The following PPM1H variants were observed in gnomAD, a reference collection of about 807,000 sequenced individuals.
The protein encoded by PPM1H is protein phosphatase 1H.
Under a neutral mutation model 54.9 loss-of-function variants are expected in PPM1H, and 27 were observed. That is an observed-to-expected ratio of 0.49 (90% CI 0.36 to 0.68). PPM1H has a LOEUF of 0.68. PPM1H is among the 30% of genes least tolerant of loss of function. The pLI, the probability that PPM1H is intolerant of heterozygous loss-of-function variation, is 0.00. For missense variants in PPM1H, 596 were observed against 667.8 expected, an observed-to-expected ratio of 0.89 and a Z score of 1.19; for synonymous variants, 305 against 270.8, an observed-to-expected ratio of 1.13 and a Z score of -1.24.
chr12:62,782,450 T>C (rs765899326), intron 4 of PPM1H, among the ~76,000 whole-genome samples: 1 of 152,192 alleles, frequency 6.6e-6, no homozygotes, highest in African/African-American at 2.4e-5. Flanking sequence ...TTTGAACTAA[T>C]AGAGAAAGCT....
At chr12:62,772,040 G>A (rs929113550) in intron 4 of PPM1H, among the ~76,000 whole-genome samples, 7 of 152,168 alleles carry the variant, frequency 4.6e-5, no homozygotes, top group Non-Finnish European at 1.0e-4. Flanking sequence ...TAACTGGCTG[G>A]AGGTTGCACA....
chr12:62,810,987 G>GAACT (rs1233542483), intron 2 of PPM1H, among the ~76,000 whole-genome samples: 6 of 152,170 alleles, frequency 3.9e-5, no homozygotes, highest in Non-Finnish European at 7.3e-5. Flanking sequence ...TCAAGCTCTT[G>GAACT]AACTAACAAT....
chr12:62,853,999 C>G (rs1869288665), intron 1 of PPM1H, among the ~76,000 whole-genome samples: 1 of 151,916 alleles, frequency 6.6e-6, no homozygotes. Context: ...ATGCCATCTG[C>G]TCCAAAAAAG....
intron 4 of PPM1H, among the ~76,000 whole-genome samples, chr12:62,744,009 A>G (rs1183353286): frequency 2.0e-5 from 3 of 152,196 alleles, no homozygotes; most frequent in Non-Finnish European, 4.4e-5. Flanking sequence ...TTGGGAATAC[A>G]TGCTAAAGAA....
chr12:62,684,249 T>G (rs1171086288), intron 8 of PPM1H, among the ~76,000 whole-genome samples: 1 of 152,136 alleles, frequency 6.6e-6, no homozygotes, highest in Non-Finnish European at 1.5e-5. Context: ...ACAACAGGCC[T>G]GTGCTCGACT....
At chr12:62,699,356 C>T (rs1464519126) in intron 6 of PPM1H, among the ~76,000 whole-genome samples, 7 of 152,168 alleles carry the variant, frequency 4.6e-5, no homozygotes, top group Admixed American at 4.6e-4. Flanking sequence ...GCCACTACCC[C>T]CAGCTAATTT....
rs1190338423 is a variant in PPM1H, at chr12:62,646,709, C to CACAA, written c.*1776_*1779dup. The CACAA allele has an allele frequency of 2.0e-5, 3 of 152,294 alleles. No individual in the cohort carries two copies. Among genetic ancestry groups the CACAA allele is most frequent in the East Asian group, 1.9e-4 (1 of 5,202 alleles). 9.4% of individuals were successfully genotyped at this position (152,294 alleles called of 1,614,324 possible). On this transcript the variant is annotated 3_prime_UTR_variant, in exon 10 of 10. Coordinates refer to ENST00000228705, the MANE Select transcript of PPM1H (RefSeq NM_020700.2). ...CCCATTCTTCCCAGGCCAACACTTG[C>CACAA]ACAAACACCTGGTGGCGTGAATTCC...
chr12:62,819,667 G>A (rs1194056524), intron 2 of PPM1H, among the ~76,000 whole-genome samples: 2 of 152,170 alleles, frequency 1.3e-5, no homozygotes, highest in Non-Finnish European at 2.9e-5. Flanking sequence ...TTTTGTTGTT[G>A]TTGTTGTTGT....
In PPM1H at chr12:62,892,918, C is replaced by T. The variant is rs533097442; in HGVS notation, c.245+41574G>A. ...CCATCTCTGTATAGACATGCCATTC[C>T]TCCCATCAAGAAACAAAGTCCTGGT... On this transcript the variant is annotated intron_variant, in intron 1 of 9. Coordinates refer to ENST00000228705, the MANE Select transcript of PPM1H (RefSeq NM_020700.2). Among the ~76,000 whole-genome samples, 7 of 152,312 alleles carry T rather than the reference C, an allele frequency of 4.6e-5. No homozygotes were observed. In the South Asian group the frequency reaches 8.3e-4, roughly 18 times the overall value.
chr12:62,918,736 CA>C (rs1287226486), intron 1 of PPM1H, among the ~76,000 whole-genome samples: 1 of 152,092 alleles, frequency 6.6e-6, no homozygotes, highest in Non-Finnish European at 1.5e-5. Flanking sequence ...GTGTTACAAC[CA>C]TAAATAGAAT....
chr12:62,681,701 G>A (rs904993611), intron 8 of PPM1H, among the ~76,000 whole-genome samples: 1 of 152,084 alleles, frequency 6.6e-6, no homozygotes, highest in Non-Finnish European at 1.5e-5. Context: ...CCCTTAGAAA[G>A]CAGGAAACAC....
intron 1 of PPM1H, among the ~76,000 whole-genome samples, chr12:62,918,263 C>T (rs1379067900): frequency 6.6e-6 from 1 of 152,226 alleles, no homozygotes; most frequent in Non-Finnish European, 1.5e-5. Context: ...TGCTACTCCT[C>T]TGTCATGCTG....
rs144468284 is a variant in PPM1H, at chr12:62,734,609, C to G, written c.954+2893G>C. Among the ~76,000 whole-genome samples, 324 of 152,338 alleles carry G rather than the reference C, an allele frequency of 2.1e-3. 1 individual carries two copies. The highest frequency in any genetic ancestry group is 7.5e-3 in the African/African-American group (311 of 41,576). ...GTCAGCATTCCTATACTTCCCCCAA[C>G]CAAGTTAACCTCCCAGGTCCATTCT... is the stretch of plus-strand genomic sequence containing the variant. On this transcript the variant is annotated intron_variant, in intron 5 of 9. Coordinates refer to ENST00000228705, the MANE Select transcript of PPM1H (RefSeq NM_020700.2).
chr12:62,904,565 G>A (rs981414519), intron 1 of PPM1H, among the ~76,000 whole-genome samples: 1 of 152,170 alleles, frequency 6.6e-6, no homozygotes, highest in Non-Finnish European at 1.5e-5. Flanking sequence ...CGAAGAAACT[G>A]ACCAGTAGAC....
intron 4 of PPM1H, among the ~76,000 whole-genome samples, chr12:62,752,291 T>C (rs545107798): frequency 1.1e-4 from 16 of 152,356 alleles, no homozygotes; most frequent in Admixed American, 2.0e-4. Flanking sequence ...AGTAATTTAC[T>C]TGGAACTTCG....
At chr12:62,688,471 C>G (rs1355777967) in intron 8 of PPM1H, among the ~76,000 whole-genome samples, 1 of 152,032 alleles carries the variant, frequency 6.6e-6, no homozygotes, top group African/African-American at 2.4e-5. Flanking sequence ...TTTGCACCAA[C>G]CTAATACTAT....
At chr12:62,668,557 G>T (rs1488601337) in intron 8 of PPM1H, among the ~76,000 whole-genome samples, 3 of 152,194 alleles carry the variant, frequency 2.0e-5, no homozygotes, top group Non-Finnish European at 4.4e-5. Flanking sequence ...TGTATCTTTA[G>T]TAGAGATGGG....
intron 9 of PPM1H, among the ~76,000 whole-genome samples, chr12:62,659,395 T>C (rs566314213): frequency 1.3e-5 from 2 of 151,758 alleles, no homozygotes; most frequent in South Asian, 2.1e-4. Context: ...GGACTTAAGA[T>C]ACACCAGGGT....
chr12:62,775,693 C>G (rs1005438788), intron 4 of PPM1H, among the ~76,000 whole-genome samples: 17 of 152,248 alleles, frequency 1.1e-4, no homozygotes, highest in Non-Finnish European at 2.1e-4. Flanking sequence ...CAAGCTCAGA[C>G]CTCATGGCCA....
Sources: gnomAD v4.1 joint callset for allele counts (sites outside exome capture counted in the v4.1 genomes callset) on GRCh38, gnomAD v4.1.1 for gene constraint, MANE v1.5 for transcripts, NCBI Gene and HGNC (gene_info 2026-07-23, HGNC 2026-07-21) for gene names.